ATXN10: variants seen among roughly 807,000 people sequenced by gnomAD.
ATXN10 encodes the protein ataxin 10, also known as ataxin-10.
Under a neutral mutation model 52.9 loss-of-function variants are expected in ATXN10, and 28 were observed. The ratio of observed to expected loss-of-function variants is 0.53; its 90% CI spans 0.39 to 0.73. The LOEUF is 0.73. ATXN10 is among the 30% of genes least tolerant of loss of function. The pLI is 0.00. For synonymous variants in ATXN10, 226 were observed against 221.5 expected (o/e 1.02, Z -0.18); for missense variants, 565 against 577.0 (o/e 0.98, Z 0.21).
rs1000693947 is a variant in ATXN10, at chr22:45,828,207, A to G, written c.1238-14784A>G. Among the ~76,000 whole-genome samples, 13 of 149,032 alleles carry G rather than the reference A, an allele frequency of 8.7e-5. No individual in the cohort carries two copies. The highest frequency in any genetic ancestry group is 3.4e-4 in the African/African-American group (13 of 38,696). On this transcript the variant is annotated intron_variant, in intron 10 of 11. Transcript: ENST00000252934. The surrounding 1 kb of genome is among the most constrained non-coding windows in gnomAD (Gnocchi z 4.5). ...CTCTATTAAAAACTTTAAAAAAGAA[A>G]AAAAAAAGAAGAAAAAAATATTTAG...
chr22:45,682,212 C>T (rs1377239280), intron 1 of ATXN10, among the ~76,000 whole-genome samples: 1 of 152,112 alleles, frequency 6.6e-6, no homozygotes, highest in East Asian at 1.9e-4. Context: ...AGTCCTCAGA[C>T]CTCTTCTCTT....
chr22:45,730,576 G>A (rs570045173), intron 7 of ATXN10, among the ~76,000 whole-genome samples: 1 of 152,170 alleles, frequency 6.6e-6, no homozygotes, highest in East Asian at 1.9e-4. Context: ...TGGGATTATA[G>A]GTGCACACCA....
At chr22:45,731,022 G>A (rs1017611536) in intron 7 of ATXN10, among the ~76,000 whole-genome samples, 2 of 152,102 alleles carry the variant, frequency 1.3e-5, no homozygotes, top group African/African-American at 4.8e-5. Flanking sequence ...GATCATTCAG[G>A]TCTTGTTTTA....
intron 9 of ATXN10, among the ~76,000 whole-genome samples, chr22:45,776,755 G>A (rs1601639375): frequency 1.3e-5 from 2 of 152,150 alleles, no homozygotes; most frequent in South Asian, 2.1e-4. Flanking sequence ...AGTATATCAC[G>A]TGATGCTTGG....
At position 45,762,536 on chromosome 22, in the gene ATXN10, T is replaced by C. The variant is rs1185580766; in HGVS notation, c.1173+21998T>C. ...TGTCTTCCTGGGAGGCTCCCAGGCA[T>C]GCTCCTGTCTGGCCAGGGTGCTTCC... is the stretch of plus-strand genomic sequence containing the variant. On this transcript the variant is annotated intron_variant, in intron 9 of 11. Coordinates refer to ENST00000252934, the MANE Select transcript of ATXN10 (RefSeq NM_013236.4). The surrounding 1 kb of genome is among the most constrained non-coding windows in gnomAD (Gnocchi z 4.3). 6.6e-6 allele frequency among the ~76,000 whole-genome samples: 1 copy of C among 152,164 alleles called. No individual in the cohort carries two copies. Among genetic ancestry groups the C allele is most frequent in the African/African-American group, 2.4e-5 (1 of 41,442 alleles).
intron 6 of ATXN10, among the ~76,000 whole-genome samples, chr22:45,723,455 G>A (rs1361684603): frequency 6.6e-6 from 1 of 151,972 alleles, no homozygotes; most frequent in Non-Finnish European, 1.5e-5. Flanking sequence ...TGAAGTCGGC[G>A]ATTTTAGTGC....
At chr22:45,734,376 T>C in intron 7 of ATXN10, 1 of 289,148 alleles carries the variant, frequency 3.5e-6, no homozygotes, top group South Asian at 3.0e-5. Flanking sequence ...AAAAAGCATT[T>C]TCTGGAAATT....
At chr22:45,721,773 A>T (rs972330) in intron 6 of ATXN10, among the ~76,000 whole-genome samples, 44,570 of 151,924 alleles carry the variant, frequency 0.29, 6,818 homozygotes, top group South Asian at 0.4. Flanking sequence ...ACATTTTCCA[A>T]ATTGGAGTTC....
intron 1 of ATXN10, 172 bp downstream of exon 1, chr22:45,672,351 C>A (rs925211483): frequency 1.5e-6 from 1 of 686,574 alleles, no homozygotes. Context: ...GGCACCGCCT[C>A]GTGCTCGTGG....
chr22:45,826,877 G>A lies in ATXN10; in HGVS notation c.1238-16114G>A, dbSNP rs1003608210. ...GATCTCAATAGAGATAAATTCATGAGCAATATACAAGCTAGTTTATAACTT... is the reference window on the plus strand; with the variant it reads ...GATCTCAATAGAGATAAATTCATGAACAATATACAAGCTAGTTTATAACTT... On this transcript the variant is annotated intron_variant, in intron 10 of 11. Transcript: ENST00000252934. This position sits in a 1 kb window ranked among gnomAD's most constrained non-coding sequence, Gnocchi z 5.0. Among the ~76,000 whole-genome samples the A allele has an allele frequency of 6.6e-6, 1 of 152,158 alleles. No individual in the cohort carries two copies. The highest frequency in any genetic ancestry group is 1.9e-4 in the East Asian group (1 of 5,202).
chr22:45,798,669 G>T (rs1809404137), intron 9 of ATXN10, among the ~76,000 whole-genome samples: 1 of 152,164 alleles, frequency 6.6e-6, no homozygotes, highest in African/African-American at 2.4e-5. Flanking sequence ...TGAAGGTCCA[G>T]AGCAACTCAC....
At chr22:45,767,389 A>G (rs1006724244) in intron 9 of ATXN10, among the ~76,000 whole-genome samples, 1 of 151,968 alleles carries the variant, frequency 6.6e-6, no homozygotes, top group African/African-American at 2.4e-5. Context: ...ATATGAATAT[A>G]TGTACATATT....
At position 45,825,680 on chromosome 22, in the gene ATXN10, GAAAC is replaced by G. The variant is rs549748589; in HGVS notation, c.1238-17305_1238-17302del. 5.3e-5 allele frequency among the ~76,000 whole-genome samples: 8 copies of G among 152,140 alleles called. No homozygotes were observed. The highest frequency in any genetic ancestry group is 1.2e-4 in the Non-Finnish European group (8 of 68,016). ...TAGGCCCATTCAAGGGGGAAAAAAT[GAAAC>G]AAACAGAAACCATTCTTGGATTCAT... On this transcript the variant is annotated intron_variant, in intron 10 of 11. Coordinates refer to ENST00000252934, the MANE Select transcript of ATXN10 (RefSeq NM_013236.4). The surrounding 1 kb of genome is among the most constrained non-coding windows in gnomAD (Gnocchi z 4.5).
At position 45,828,457 on chromosome 22, in the gene ATXN10, A is replaced by G. The variant is rs541938003; in HGVS notation, c.1238-14534A>G. On this transcript the variant is annotated intron_variant, in intron 10 of 11. Transcript: ENST00000252934. The surrounding 1 kb of genome is among the most constrained non-coding windows in gnomAD (Gnocchi z 4.5). ...AGAGAATAGAAAAATAATAGAGAAA[A>G]TTATGAAAACAGAAGTTGCTTTTTT... is the stretch of plus-strand genomic sequence containing the variant. Among the ~76,000 whole-genome samples, 59 of 152,208 alleles carry G rather than the reference A, an allele frequency of 3.9e-4. No individual in the cohort carries two copies. Among genetic ancestry groups the G allele is most frequent in the Middle Eastern group, 3.4e-3 (1 of 294 alleles).
Position 45,832,346 on chromosome 22 carries a change from C to T in ATXN10, c.1238-10645C>T, listed in dbSNP as rs118080800. On this transcript the variant is annotated intron_variant, in intron 10 of 11. Coordinates refer to ENST00000252934, the MANE Select transcript of ATXN10 (RefSeq NM_013236.4). The stretch of plus-strand genomic sequence containing the variant: ...TCATCAGTGTTCCTCCATGTGGAGG[C>T]GCTGTGTGGCCTGCTCCCATCTGCA... Among the ~76,000 whole-genome samples, 982 of 152,316 alleles carry T rather than the reference C, an allele frequency of 6.4e-3. 7 individuals are homozygous for T. Among genetic ancestry groups the T allele is most frequent in the South Asian group, 0.015 (73 of 4,826 alleles).
rs1328989249 is a variant in ATXN10 at position 45,671,856 on chromosome 22, G to A, written c.-208G>A. 4 of 444,938 alleles carry A rather than the reference G, an allele frequency of 9.0e-6. No homozygotes were observed. Among genetic ancestry groups the A allele is most frequent in the Admixed American group, 8.9e-5 (2 of 22,538 alleles). 27.6% of individuals were successfully genotyped at this position (444,938 alleles called of 1,614,324 possible). A position where few individuals can be genotyped will look rare whatever the true frequency, so the allele number is the denominator to read the frequency against. On this transcript the variant is annotated 5_prime_UTR_variant, in exon 1 of 12. Coordinates refer to ENST00000252934, the MANE Select transcript of ATXN10 (RefSeq NM_013236.4). ...GGCGCCGTCTCCTCCTCCCGCCTGA[G>A]GCGAGTCTGGGCTCAGCCTAGAGCT...
At position 45,840,858 on chromosome 22, in the gene ATXN10, G is replaced by A. The variant is rs1247233521; in HGVS notation, c.1238-2133G>A. Among the ~76,000 whole-genome samples the A allele has an allele frequency of 6.6e-6, 1 of 152,180 alleles. No individual in the cohort carries two copies. Among genetic ancestry groups the A allele is most frequent in the Non-Finnish European group, 1.5e-5 (1 of 68,022 alleles). On this transcript the variant is annotated intron_variant, in intron 10 of 11. Coordinates refer to ENST00000252934, the MANE Select transcript of ATXN10 (RefSeq NM_013236.4). The surrounding 1 kb of genome is among the most constrained non-coding windows in gnomAD (Gnocchi z 5.8). ...TATGCTTCTTTCATTTACCATTAGA[G>A]AGTTATACTCATGAACAAAAATTCC...
rs548714807 is a variant in ATXN10, at chr22:45,837,972, C to T, written c.1238-5019C>T. 6.6e-6 allele frequency among the ~76,000 whole-genome samples: 1 copy of T among 152,202 alleles called. No homozygotes were observed. Among genetic ancestry groups the T allele is most frequent in the Non-Finnish European group, 1.5e-5 (1 of 68,042 alleles). On this transcript the variant is annotated intron_variant, in intron 10 of 11. Transcript: ENST00000252934. This position sits in a 1 kb window ranked among gnomAD's most constrained non-coding sequence, Gnocchi z 5.8. ...GCAGTGACCAGAACAGAGTTCCTGT[C>T]GCCCTGGAGTCTACATTTAATGATG...
chr22:45,688,414 G>T lies in ATXN10; in HGVS notation c.117-1298G>T, dbSNP rs568662042. Among the ~76,000 whole-genome samples, 2 of 152,316 alleles carry T rather than the reference G, an allele frequency of 1.3e-5. No individual in the cohort carries two copies. The highest frequency in any genetic ancestry group is 2.4e-5 in the African/African-American group (1 of 41,574). On this transcript the variant is annotated intron_variant, in intron 1 of 11. Coordinates refer to ENST00000252934, the MANE Select transcript of ATXN10 (RefSeq NM_013236.4). The surrounding 1 kb of genome is among the most constrained non-coding windows in gnomAD (Gnocchi z 4.0). ...GTAGTGGAAAAGCCAGATAGAAAAA[G>T]TAAGGATTCATGTTGTTTGGGTCAT... is the stretch of plus-strand genomic sequence containing the variant.
Sources: gnomAD v4.1 joint callset for allele counts (sites outside exome capture counted in the v4.1 genomes callset) on GRCh38, gnomAD v4.1.1 for gene constraint, Gnocchi (gnomAD v3.1) non-coding constraint, MANE v1.5 for transcripts, NCBI Gene and HGNC (gene_info 2026-07-23, HGNC 2026-07-21) for gene names.